CCSER1: variants seen among roughly 807,000 people sequenced by gnomAD.
The protein encoded by CCSER1 is serine-rich coiled-coil domain-containing protein 1.
CCSER1 carries 41 observed loss-of-function variants against 82.0 expected under a neutral mutation model. That is an observed-to-expected ratio of 0.50 (90% CI 0.39 to 0.65). The LOEUF (loss-of-function observed/expected upper bound fraction) is 0.65. Ranked by LOEUF, CCSER1 falls within the 30% of genes least tolerant of loss-of-function variation. The pLI, the probability that CCSER1 is intolerant of heterozygous loss-of-function variation, is 0.00. For missense variants in CCSER1, 1,119 were observed against 1,064.2 expected, an observed-to-expected ratio of 1.05 and a Z score of -0.72; for synonymous variants, 414 against 383.9, an observed-to-expected ratio of 1.08 and a Z score of -0.92.
chr4:91,097,721 T>G (rs1724646733), intron 10 of CCSER1, among the ~76,000 whole-genome samples: 1 of 152,186 alleles, frequency 6.6e-6, no homozygotes, highest in Admixed American at 6.5e-5. Flanking sequence ...GATATTTGTG[T>G]GATCATGCCA....
chr4:91,005,416 C>G (rs572249516), intron 9 of CCSER1, among the ~76,000 whole-genome samples: 17 of 146,172 alleles, frequency 1.2e-4, no homozygotes, highest in African/African-American at 2.3e-4. Flanking sequence ...CACACACACA[C>G]AGAGACACAC....
chr4:90,647,672 A>G (rs1270873454), intron 6 of CCSER1, among the ~76,000 whole-genome samples: 3 of 152,210 alleles, frequency 2.0e-5, no homozygotes. Flanking sequence ...TTTATACAAA[A>G]TATATACTTT....
chr4:90,332,609 T>C (rs1387825225), intron 3 of CCSER1, among the ~76,000 whole-genome samples: 1 of 152,178 alleles, frequency 6.6e-6, no homozygotes, highest in East Asian at 1.9e-4. Flanking sequence ...ATAGGACCTT[T>C]AGATAGATTT....
intron 7 of CCSER1, among the ~76,000 whole-genome samples, chr4:90,794,225 G>A (rs1251085969): frequency 6.6e-6 from 1 of 152,160 alleles, no homozygotes. Flanking sequence ...TTTTCATAAT[G>A]AAATATTTGC....
chr4:90,933,828 T>C (rs1581138315), intron 9 of CCSER1, among the ~76,000 whole-genome samples: 2 of 152,110 alleles, frequency 1.3e-5, no homozygotes, highest in Middle Eastern at 3.9e-3. Context: ...ATTATTTTAC[T>C]GTAATGTTAA....
chr4:91,039,358 T>G (rs548835334), intron 9 of CCSER1, among the ~76,000 whole-genome samples: 2 of 152,220 alleles, frequency 1.3e-5, no homozygotes, highest in African/African-American at 4.8e-5. Flanking sequence ...CCATATTCTT[T>G]AAGCCCAACA....
intron 10 of CCSER1, among the ~76,000 whole-genome samples, chr4:91,150,329 TGTATCC>T (rs1338594054): frequency 6.6e-6 from 1 of 152,224 alleles, no homozygotes; most frequent in Admixed American, 6.5e-5. Flanking sequence ...ACATTGATTT[TGTATCC>T]TGAGACTTTG....
In CCSER1 at chr4:91,512,224, G is replaced by A. The variant is rs551543303; in HGVS notation, c.2218-86348G>A. ...TAACATTTGAATCAGCGCACTGGGA[G>A]ACACAGACCCACCCTCAATCTGGAT... On this transcript the variant is annotated intron_variant, in intron 10 of 10. Coordinates refer to ENST00000509176, the MANE Select transcript of CCSER1 (RefSeq NM_001145065.2). Among the ~76,000 whole-genome samples the A allele has an allele frequency of 1.1e-4, 16 of 152,266 alleles. No homozygotes were observed. The East Asian group carries it at 1.2e-3, about 11-fold the overall frequency.
At chr4:91,091,073 C>T (rs1293738510) in intron 10 of CCSER1, among the ~76,000 whole-genome samples, 6 of 152,200 alleles carry the variant, frequency 3.9e-5, no homozygotes, top group Admixed American at 3.9e-4. Context: ...TTTTTCCACA[C>T]AATCCTACAG....
At chr4:91,326,231 T>G (rs1240925366) in intron 10 of CCSER1, among the ~76,000 whole-genome samples, 1 of 152,160 alleles carries the variant, frequency 6.6e-6, no homozygotes, top group Non-Finnish European at 1.5e-5. Flanking sequence ...ACTGGGTAAT[T>G]TATGATGAAA....
chr4:90,622,187 TC>T (rs999510376), intron 5 of CCSER1, among the ~76,000 whole-genome samples: 1 of 152,154 alleles, frequency 6.6e-6, no homozygotes, highest in African/African-American at 2.4e-5. Flanking sequence ...AAAAATGAAG[TC>T]TTACCATATA....
chr4:90,818,924 T>C (rs1759385318), intron 8 of CCSER1, among the ~76,000 whole-genome samples: 1 of 152,224 alleles, frequency 6.6e-6, no homozygotes, highest in Admixed American at 6.5e-5. Flanking sequence ...TTCCTTGGGC[T>C]ATTAAATATG....
At chr4:90,838,832 C>CTTAA (rs1435179848) in intron 8 of CCSER1, 1 of 1,589,594 alleles carries the variant, frequency 6.3e-7, no homozygotes, top group East Asian at 2.2e-5. Flanking sequence ...CAAAGTTAAA[C>CTTAA]AGCTAAAAGA....
intron 6 of CCSER1, among the ~76,000 whole-genome samples, chr4:90,701,075 T>A (rs1407173190): frequency 6.6e-6 from 1 of 152,210 alleles, no homozygotes; most frequent in African/African-American, 2.4e-5. Context: ...ATGTCCTGAA[T>A]GGTATTGCCT....
chr4:91,091,226 A>G (rs1172113341), intron 10 of CCSER1, among the ~76,000 whole-genome samples: 2 of 152,174 alleles, frequency 1.3e-5, no homozygotes, highest in African/African-American at 4.8e-5. Flanking sequence ...GTTCTGGCTA[A>G]TACTTTACTT....
intron 1 of CCSER1, among the ~76,000 whole-genome samples, chr4:90,195,500 A>T (rs1736426378): frequency 6.6e-6 from 1 of 152,038 alleles, no homozygotes; most frequent in African/African-American, 2.4e-5. Flanking sequence ...GGGCAGTGAA[A>T]CTACTCTGTA....
At chr4:90,671,196 G>A (rs1732735458) in intron 6 of CCSER1, among the ~76,000 whole-genome samples, 1 of 151,974 alleles carries the variant, frequency 6.6e-6, no homozygotes, top group Non-Finnish European at 1.5e-5. Flanking sequence ...GGTTGCGATG[G>A]CTGTGACAAT....
chr4:90,177,870 A>G (rs540006933), intron 1 of CCSER1, among the ~76,000 whole-genome samples: 26 of 152,212 alleles, frequency 1.7e-4, no homozygotes, highest in African/African-American at 6.3e-4. Flanking sequence ...GTTCAGAGTA[A>G]GCCTGGCAAA....
chr4:90,673,967 T>C (rs6853030), intron 6 of CCSER1, among the ~76,000 whole-genome samples: 69,703 of 151,656 alleles, frequency 0.46, 16,405 homozygotes, highest in Middle Eastern at 0.58. Context: ...CAGAAGGCAG[T>C]TTTTGAGTTA....
Sources: allele counts gnomAD v4.1 joint callset (sites outside exome capture counted in the v4.1 genomes callset), GRCh38; gene constraint gnomAD v4.1.1; transcripts MANE v1.5; gene names NCBI Gene and HGNC (gene_info 2026-07-23, HGNC 2026-07-21).